DDX21: variants seen among roughly 807,000 people sequenced by gnomAD.
DDX21 encodes the protein nucleolar RNA helicase 2.
Under a neutral mutation model 90.0 loss-of-function variants are expected in DDX21, and 18 were observed. The observed-to-expected ratio is 0.20, with a 90% CI of 0.14 to 0.30. The LOEUF (loss-of-function observed/expected upper bound fraction) is 0.30. Ranked by LOEUF, DDX21 falls within the 10% of genes least tolerant of loss-of-function variation. The pLI is 1.00. For synonymous variants in DDX21, 294 were observed against 318.0 expected (o/e 0.92, Z 0.80); for missense variants, 673 against 944.5 (o/e 0.71, Z 3.77).
chr10:68,978,113 C>CT (rs757249694), intron 12 of DDX21, among the ~76,000 whole-genome samples: 13 of 151,920 alleles, frequency 8.6e-5, no homozygotes, highest in Admixed American at 3.3e-4. Flanking sequence ...GAGTGAGACT[C>CT]TGTCTCAGAA....
In DDX21 at chr10:68,969,137, A is replaced by G. The variant is rs751865413; in HGVS notation, c.1236+16A>G. The G allele has an allele frequency of 9.3e-5, 149 of 1,598,790 alleles. No individual in the cohort carries two copies. The highest frequency in any genetic ancestry group is 3.4e-4 in the Admixed American group (19 of 55,196). ...AACTGTGGAGGTAAATTATTTACTT[A>G]GTTGCCAGAATATAAAATTGTATAT... On this transcript the variant is annotated intron_variant, in intron 7 of 14. Transcript: ENST00000354185.
chr10:68,965,256 C>T (rs913176707), intron 4 of DDX21, 121 bp from the exon 5 acceptor site: 18 of 653,718 alleles, frequency 2.8e-5, no homozygotes, highest in East Asian at 1.1e-4. Flanking sequence ...ATAATGTTAT[C>T]GTCATCATCA....
chr10:68,962,297 A>G (rs1842881809), intron 3 of DDX21, 140 bp downstream of exon 3: 1 of 623,374 alleles, frequency 1.6e-6, no homozygotes, highest in Non-Finnish European at 2.7e-6. Context: ...AGGCCTGTGT[A>G]TTCAATTTAG....
chr10:68,970,128 C>A, intron 7 of DDX21, 73 bp from the exon 8 acceptor site: 1 of 1,405,652 alleles, frequency 7.1e-7, no homozygotes, highest in Non-Finnish European at 9.8e-7. Flanking sequence ...GTTGTGCTCA[C>A]TGATCATTGT....
At chr10:68,972,674 C>T (rs963550487) in intron 9 of DDX21, among the ~76,000 whole-genome samples, 5 of 152,170 alleles carry the variant, frequency 3.3e-5, no homozygotes, top group African/African-American at 1.2e-4. Context: ...GTGGTATAAA[C>T]ATTGTTTCAC....
Position 68,975,186 on chromosome 10 carries a change from A to G in DDX21, c.1742+443A>G, listed in dbSNP as rs572268866. On this transcript the variant is annotated intron_variant, in intron 11 of 14. Transcript: ENST00000354185. ...CACCCACTGGCTGATTAGACCACAG[A>G]TTACATTCCAAATCTACATTAATCC... 7.9e-5 allele frequency among the ~76,000 whole-genome samples: 12 copies of G among 152,358 alleles called. 1 individual carries two copies. In the South Asian group the frequency reaches 2.3e-3, roughly 29 times the overall value.
At chr10:68,979,211 A>C (rs1843151927) in intron 13 of DDX21, among the ~76,000 whole-genome samples, 1 of 152,134 alleles carries the variant, frequency 6.6e-6, no homozygotes, top group Non-Finnish European at 1.5e-5. Context: ...CTTCCCTGAC[A>C]TCTCTACCTA....
At chr10:68,962,195 A>C (rs1842880403) in intron 3 of DDX21, 38 bp downstream of exon 3, 3 of 1,471,012 alleles carry the variant, frequency 2.0e-6, no homozygotes, top group Non-Finnish European at 2.8e-6. Flanking sequence ...GTTAGAACGT[A>C]TTATTTTAAC....
At chr10:68,981,423 GT>G in intron 13 of DDX21, 113 bp from the exon 14 acceptor site, 3 of 961,600 alleles carry the variant, frequency 3.1e-6, no homozygotes, top group East Asian at 2.5e-5. Context: ...ATACCTGGTG[GT>G]TTTTTTGCTT....
In DDX21 at chr10:68,982,758, CAG is replaced by C; in HGVS notation, c.2300_2301del (p.Arg767IlefsTer12). On this transcript the variant is annotated frameshift_variant, in exon 15 of 15. Coordinates refer to ENST00000354185, the MANE Select transcript of DDX21 (RefSeq NM_004728.4). LOFTEE classifies it high-confidence loss of function. ...QRSGGGNKSN[R>X]SQNKGQKRSF... ...GATCAGGAGGTGGCAACAAAAGTAA[CAG>C]ATCCCAAAACAAAGGCCAGAAGCGG... 6.2e-7 allele frequency: 1 copy of C among 1,614,128 alleles called. No homozygotes were observed. Among genetic ancestry groups the C allele is most frequent in the Non-Finnish European group, 8.5e-7 (1 of 1,180,002 alleles).
At chr10:68,964,198 C>T (rs1392022803) in intron 4 of DDX21, 2 of 357,222 alleles carry the variant, frequency 5.6e-6, no homozygotes, top group Non-Finnish European at 1.1e-5. Flanking sequence ...CCATTGGGTT[C>T]ATTTCTAGAG....
chr10:68,972,011 A>T lies in DDX21; in HGVS notation c.1507A>T (p.Ile503Phe). Residue 503 changes from isoleucine to phenylalanine, a missense_variant, in exon 9 of 15, where the codon ATC becomes TTC. Physicochemically the swap from Ile to Phe is conservative, Grantham distance 21. Coordinates refer to ENST00000354185, the MANE Select transcript of DDX21 (RefSeq NM_004728.4). ...CAATGTTGCTGCACGTGGGTTAGAC[A>T]TCCCTGAGGTTGATTTGGTTATACA... ...ATNVAARGLDIPEVDLVIQSS... is the reference protein window; with the variant it reads ...ATNVAARGLDFPEVDLVIQSS... 2 of 1,614,182 alleles carry T rather than the reference A, an allele frequency of 1.2e-6. No homozygotes were observed. Among genetic ancestry groups the T allele is most frequent in the Non-Finnish European group, 1.7e-6 (2 of 1,180,026 alleles).
chr10:68,980,821 CCTGTCTCTACCA>C (rs1186950494), intron 13 of DDX21, among the ~76,000 whole-genome samples: 2 of 122,822 alleles, frequency 1.6e-5, no homozygotes, highest in Non-Finnish European at 3.3e-5. Flanking sequence ...GTAGTGAGAC[CCTGTCTCTACCA>C]AAAAAAAAAA....
chr10:68,970,474 A>T, intron 8 of DDX21, 124 bp downstream of exon 8: 2 of 890,836 alleles, frequency 2.2e-6, no homozygotes, highest in Non-Finnish European at 3.2e-6. Context: ...TTTAGAAATG[A>T]GAGGAAGCTA....
intron 2 of DDX21, among the ~76,000 whole-genome samples, chr10:68,961,102 T>TA (rs1256287847): frequency 3.3e-5 from 5 of 152,166 alleles, no homozygotes; most frequent in Non-Finnish European, 7.3e-5. Context: ...CGAATTGTAT[T>TA]AAAAAAATTT....
intron 1 of DDX21, chr10:68,956,575 T>C: frequency 7.7e-7 from 1 of 1,296,094 alleles, no homozygotes; most frequent in South Asian, 1.7e-5. Flanking sequence ...GGAACTCTGG[T>C]AGAGAGGCCC....
At chr10:68,962,232 A>AC (rs1842880986) in intron 3 of DDX21, 75 bp downstream of exon 3, 4 of 1,098,658 alleles carry the variant, frequency 3.6e-6, no homozygotes, top group Admixed American at 2.0e-5. Flanking sequence ...TTTTGTTAAG[A>AC]TGAACCAGGA....
chr10:68,976,530 G>A lies in DDX21; in HGVS notation c.1743-999G>A, dbSNP rs565978798. Among the ~76,000 whole-genome samples, 10 of 152,218 alleles carry A rather than the reference G, an allele frequency of 6.6e-5. No homozygotes were observed. In the East Asian group the frequency reaches 1.7e-3, roughly 26 times the overall value. On this transcript the variant is annotated intron_variant, in intron 11 of 14. Transcript: ENST00000354185. ...TCTCAATCTCCTGACCTCATGATCC[G>A]CCCGCCTTGGCCTCCCAAAGTGCTG... is the stretch of plus-strand genomic sequence containing the variant.
intron 5 of DDX21, 27 bp from the exon 6 acceptor site, chr10:68,966,991 A>G: frequency 6.3e-7 from 1 of 1,599,654 alleles, no homozygotes; most frequent in East Asian, 2.2e-5. Flanking sequence ...CTAAAAACCC[A>G]GCAAATCTTG....
Sources: allele counts gnomAD v4.1 joint callset (sites outside exome capture counted in the v4.1 genomes callset), GRCh38; gene constraint gnomAD v4.1.1; transcripts MANE v1.5; gene names NCBI Gene and HGNC (gene_info 2026-07-23, HGNC 2026-07-21).